GREB1: variants seen among roughly 807,000 people sequenced by gnomAD.
GREB1 encodes protein GREB1.
GREB1 carries 106 observed loss-of-function variants against 200.7 expected under a neutral mutation model. The observed-to-expected ratio is 0.53, with a 90% CI of 0.45 to 0.62. GREB1 has a LOEUF of 0.62. Among genes scored for constraint, GREB1 ranks in the 20% least tolerant of loss-of-function variants. GREB1 has a pLI of 0.00. For synonymous variants in GREB1, 1,132 were observed against 1,092.4 expected, an observed-to-expected ratio of 1.04 and a Z score of -0.72; for missense variants, 2,243 against 2,556.8, an observed-to-expected ratio of 0.88 and a Z score of 2.65.
At chr2:11,538,618 T>C (rs1674413751) in intron 1 of GREB1, among the ~76,000 whole-genome samples, 1 of 5,830 alleles carries the variant, frequency 1.7e-4, no homozygotes, top group Admixed American at 1.5e-3. Flanking sequence ...TGTTTCTTTC[T>C]TTCTTTCTTT....
At position 11,499,909 on chromosome 2, in the gene GREB1, T is replaced by C. The variant is rs1672983218; in HGVS notation, c.-159+17528T>C. Among the ~76,000 whole-genome samples the C allele has an allele frequency of 2.0e-5, 3 of 152,342 alleles. No individual in the cohort carries two copies. The South Asian group carries it at 6.2e-4, about 32-fold the overall frequency. On this transcript the variant is annotated intron_variant, in intron 1 of 2. Coordinates refer to the GREB1 transcript ENST00000628795. ...TGCAGATATCAGATATCCTTTTACA[T>C]AATTTCTTTATATTATAGAATTGTT...
In GREB1 at chr2:11,602,605, G is replaced by A. The variant is rs1364423584; in HGVS notation, c.2666+63G>A. On this transcript the variant is annotated intron_variant, in intron 17 of 32. Coordinates refer to ENST00000381486, the MANE Select transcript of GREB1 (RefSeq NM_014668.4). ...TAGCTTAAAGGGCAAGTTGAGGTGC[G>A]TTTAGCCAGCCAGGGAATTCCAGGA... 37 of 1,443,328 alleles carry A rather than the reference G, an allele frequency of 2.6e-5. No individual in the cohort carries two copies. The South Asian group carries it at 2.9e-4, about 11-fold the overall frequency. 89.4% of individuals were successfully genotyped at this position (1,443,328 alleles called of 1,614,324 possible). A position where few individuals can be genotyped will look rare whatever the true frequency, so the allele number is the denominator to read the frequency against.
intron 1 of GREB1, among the ~76,000 whole-genome samples, chr2:11,515,444 A>C (rs1224825665): frequency 6.6e-6 from 1 of 152,258 alleles, no homozygotes; most frequent in African/African-American, 2.4e-5. Context: ...GTTTTTTAAA[A>C]GTCTTGAATA....
In GREB1 at chr2:11,634,265, A is replaced by G. The variant is rs115587270; in HGVS notation, c.5126A>G (p.Gln1709Arg). 3.2e-3 allele frequency: 5,107 copies of G among 1,614,186 alleles called. 126 individuals are homozygous for G. The African/African-American group carries it at 0.055, about 17-fold the overall frequency. The change falls in exon 29 of 33, where the codon CAA becomes CGA. Residue 1709 changes from glutamine (Q) to arginine (R), a missense_variant. Physicochemically the swap from Gln to Arg is conservative, Grantham distance 43. Transcript: ENST00000381486. Reference sequence around the variant, plus strand: ...AGCAAGACCCGGGCCAGCGAGGTGCAAGAGCCCTTCTCCCGCTGCCACGTG... The same window carrying G: ...AGCAAGACCCGGGCCAGCGAGGTGCGAGAGCCCTTCTCCCGCTGCCACGTG... ...WSSKTRASEV[Q>R]EPFSRCHVHN... is the part of the protein sequence containing the mutation.
In GREB1 at chr2:11,490,921, A is replaced by C. The variant is rs184567984; in HGVS notation, c.-159+8540A>C. Among the ~76,000 whole-genome samples, 197 of 152,292 alleles carry C rather than the reference A, an allele frequency of 1.3e-3. 4 individuals carry two copies. Among genetic ancestry groups the C allele is most frequent in the South Asian group, 8.3e-4 (4 of 4,826 alleles). ...ATTGCTAGGTCCTATGGGAACTCTA[A>C]GTTAACTTTTGGAGGAACTGCCAAG... is the stretch of plus-strand genomic sequence containing the variant. On this transcript the variant is annotated intron_variant, in intron 1 of 2. Transcript: ENST00000628795.
chr2:11,535,570 G>A (rs527651262), intron 1 of GREB1, among the ~76,000 whole-genome samples: 14 of 152,000 alleles, frequency 9.2e-5, no homozygotes, highest in African/African-American at 3.1e-4. Flanking sequence ...TGGCACACAG[G>A]ATGACACTTA....
In GREB1 at chr2:11,492,283, A is replaced by G. The variant is rs905623607; in HGVS notation, c.-159+9902A>G. On this transcript the variant is annotated intron_variant, in intron 1 of 2. Coordinates refer to the GREB1 transcript ENST00000628795. The surrounding 1 kb of genome is among the most constrained non-coding windows in gnomAD (Gnocchi z 4.0). ...CCATGCCACATTTGGCTAAGTCTGA[A>G]GTTAGGACAAAAACATCCCTCATTC... Among the ~76,000 whole-genome samples the G allele has an allele frequency of 6.6e-5, 10 of 152,328 alleles. No homozygotes were observed. Among genetic ancestry groups the G allele is most frequent in the African/African-American group, 2.2e-4 (9 of 41,578 alleles).
intron 1 of GREB1, among the ~76,000 whole-genome samples, chr2:11,527,432 T>C (rs1328137105): frequency 4.6e-5 from 7 of 152,226 alleles, no homozygotes; most frequent in African/African-American, 1.4e-4. Context: ...TTTTCTGTAA[T>C]GGTTTCAGAA....
At chr2:11,483,741 C>T (rs989197675) in intron 1 of GREB1, among the ~76,000 whole-genome samples, 3 of 149,068 alleles carry the variant, frequency 2.0e-5, no homozygotes, top group African/African-American at 7.4e-5. Context: ...TGTGGCCCGG[C>T]CACCAGGGCG....
intron 21 of GREB1, among the ~76,000 whole-genome samples, chr2:11,617,885 C>T (rs893582268): frequency 2.6e-5 from 4 of 152,154 alleles, no homozygotes; most frequent in East Asian, 1.9e-4. Flanking sequence ...CGCCTGTGCA[C>T]AGCAGTGAGC....
At chr2:11,604,349 C>A (rs1364808074) in intron 17 of GREB1, among the ~76,000 whole-genome samples, 1 of 152,124 alleles carries the variant, frequency 6.6e-6, no homozygotes, top group African/African-American at 2.4e-5. Flanking sequence ...GATGATAACA[C>A]CTACATCATA....
chr2:11,527,189 C>T (rs1673906372), intron 1 of GREB1, among the ~76,000 whole-genome samples: 1 of 152,094 alleles, frequency 6.6e-6, no homozygotes. Context: ...TGAAATTAGT[C>T]ATTGCTTATT....
chr2:11,631,161 C>T (rs1443608532), intron 26 of GREB1, among the ~76,000 whole-genome samples: 3 of 152,206 alleles, frequency 2.0e-5, no homozygotes, highest in Non-Finnish European at 2.9e-5. Flanking sequence ...CAGCTGCATG[C>T]ACAGTGTTGT....
At chr2:11,496,414 C>T (rs1386815700) in intron 1 of GREB1, among the ~76,000 whole-genome samples, 4 of 152,160 alleles carry the variant, frequency 2.6e-5, no homozygotes, top group Non-Finnish European at 5.9e-5. Flanking sequence ...TGGATGCTCC[C>T]TTCTAATCCC....
In GREB1 at chr2:11,498,675, C is replaced by A. The variant is rs143976894; in HGVS notation, c.-159+16294C>A. ...GCAGTTTTGCTGCTGGGCAGCTGGG[C>A]AGCCTGCCTGCCTGGGGAGAGGGTG... On this transcript the variant is annotated intron_variant, in intron 1 of 2. Coordinates refer to the GREB1 transcript ENST00000628795. Among the ~76,000 whole-genome samples, 171 of 152,302 alleles carry A rather than the reference C, an allele frequency of 1.1e-3. 1 individual carries two copies. Among genetic ancestry groups the A allele is most frequent in the African/African-American group, 3.9e-3 (161 of 41,568 alleles).
At chr2:11,628,047 C>G (rs1031062717) in intron 25 of GREB1, among the ~76,000 whole-genome samples, 1 of 151,880 alleles carries the variant, frequency 6.6e-6, no homozygotes, top group South Asian at 2.1e-4. Flanking sequence ...CACTCAGCCA[C>G]GAAACTCGGA....
chr2:11,521,869 G>A (rs1296816920), intron 1 of GREB1, among the ~76,000 whole-genome samples: 2 of 152,182 alleles, frequency 1.3e-5, no homozygotes, highest in African/African-American at 4.8e-5. Context: ...TGGCACTGAT[G>A]CTCTTCATCT....
chr2:11,487,368 C>G (rs1394440411), intron 1 of GREB1, among the ~76,000 whole-genome samples: 1 of 152,160 alleles, frequency 6.6e-6, no homozygotes, highest in African/African-American at 2.4e-5. Flanking sequence ...GTCTCTGATG[C>G]CACTGTTCAA....
At chr2:11,609,809 C>T (rs1201980634) in intron 17 of GREB1, among the ~76,000 whole-genome samples, 2 of 152,232 alleles carry the variant, frequency 1.3e-5, no homozygotes, top group Admixed American at 6.5e-5. Context: ...ATAGAACTCA[C>T]AGGGTGGCAT....
Sources: allele counts gnomAD v4.1 joint callset (sites outside exome capture counted in the v4.1 genomes callset), GRCh38; gene constraint gnomAD v4.1.1; non-coding constraint Gnocchi (gnomAD v3.1); transcripts MANE v1.5; gene names NCBI Gene and HGNC (gene_info 2026-07-23, HGNC 2026-07-21).